EYA2: variants seen among roughly 807,000 people sequenced by gnomAD.
EYA2 encodes the protein protein phosphatase EYA2.
EYA2 carries 31 observed loss-of-function variants against 69.2 expected under a neutral mutation model. The observed-to-expected ratio is 0.45, with a 90% CI of 0.34 to 0.60. The LOEUF is 0.60. Among genes scored for constraint, EYA2 ranks in the 20% least tolerant of loss-of-function variants. The pLI is 0.02. For missense variants in EYA2, 622 were observed against 701.2 expected, an observed-to-expected ratio of 0.89 and a Z score of 1.28; for synonymous variants, 257 against 279.4, an observed-to-expected ratio of 0.92 and a Z score of 0.80.
chr20:47,013,042 A>T (rs1983173080), intron 4 of EYA2, among the ~76,000 whole-genome samples: 1 of 152,160 alleles, frequency 6.6e-6, no homozygotes, highest in Non-Finnish European at 1.5e-5. Flanking sequence ...TTATGATCCA[A>T]CCCCTTCAGC....
intron 9 of EYA2, among the ~76,000 whole-genome samples, chr20:47,102,346 T>C (rs966418032): frequency 6.6e-6 from 1 of 151,986 alleles, no homozygotes; most frequent in Non-Finnish European, 1.5e-5. Context: ...CTCAACCAAA[T>C]AGAGTGAGAG....
chr20:47,111,739 G>A (rs975764249), intron 9 of EYA2, among the ~76,000 whole-genome samples: 1 of 152,168 alleles, frequency 6.6e-6, no homozygotes, highest in Admixed American at 6.6e-5. Context: ...AAACAGAGCA[G>A]TAACCCCACC....
intron 9 of EYA2, among the ~76,000 whole-genome samples, chr20:47,134,291 G>A (rs1351364857): frequency 6.6e-6 from 1 of 152,182 alleles, no homozygotes; most frequent in Non-Finnish European, 1.5e-5. Flanking sequence ...GCCATGACAG[G>A]GGTGGTGGCC....
chr20:47,089,898 G>T (rs556383658), intron 8 of EYA2, among the ~76,000 whole-genome samples: 6 of 152,158 alleles, frequency 3.9e-5, no homozygotes, highest in Non-Finnish European at 5.9e-5. Context: ...AGACTCACTG[G>T]AGGAACTAGG....
At chr20:47,019,744 T>G (rs1983631037) in intron 5 of EYA2, among the ~76,000 whole-genome samples, 1 of 151,960 alleles carries the variant, frequency 6.6e-6, no homozygotes, top group African/African-American at 2.4e-5. Context: ...GGCAGGTATA[T>G]TTATTGCTTG....
At chr20:47,001,509 C>T (rs756176118) in intron 3 of EYA2, 36 bp downstream of exon 3, 4 of 1,608,012 alleles carry the variant, frequency 2.5e-6, no homozygotes, top group Non-Finnish European at 3.4e-6. Flanking sequence ...CTCACATGCC[C>T]ACCTTTTCTT....
chr20:47,093,337 G>T (rs947873851), intron 8 of EYA2, among the ~76,000 whole-genome samples: 4 of 152,232 alleles, frequency 2.6e-5, no homozygotes, highest in Non-Finnish European at 5.9e-5. Flanking sequence ...GCTGAAGTCC[G>T]AGGGGAGTGG....
At position 47,043,765 on chromosome 20, in the gene EYA2, A is replaced by G. The variant is rs139849076; in HGVS notation, c.415+27468A>G. On this transcript the variant is annotated intron_variant, in intron 5 of 15. Transcript: ENST00000327619. ...TTTCCTGACACATAATAAGTTCTCA[A>G]TCTTACCACACCATCATCATTATTG... is the stretch of plus-strand genomic sequence containing the variant. 2.0e-3 allele frequency among the ~76,000 whole-genome samples: 300 copies of G among 152,292 alleles called. 1 individual carries two copies. Among genetic ancestry groups the G allele is most frequent in the African/African-American group, 6.8e-3 (281 of 41,560 alleles).
At chr20:47,174,455 G>A (rs762463602) in intron 12 of EYA2, among the ~76,000 whole-genome samples, 5 of 152,196 alleles carry the variant, frequency 3.3e-5, no homozygotes, top group Non-Finnish European at 5.9e-5. Flanking sequence ...GATACACAGC[G>A]GGAACTCAAT....
At chr20:46,910,050 T>C (rs1984567778) in intron 1 of EYA2, among the ~76,000 whole-genome samples, 1 of 152,216 alleles carries the variant, frequency 6.6e-6, no homozygotes, top group South Asian at 2.1e-4. Context: ...AGTAAGGATG[T>C]TCATCTTAAG....
At chr20:46,988,381 C>T (rs1248424916) in intron 1 of EYA2, among the ~76,000 whole-genome samples, 1 of 152,066 alleles carries the variant, frequency 6.6e-6, no homozygotes, top group East Asian at 1.9e-4. Context: ...AAACTTTTGA[C>T]TTAGAGCAGT....
intron 5 of EYA2, among the ~76,000 whole-genome samples, chr20:47,053,805 G>T (rs912619538): frequency 6.6e-6 from 1 of 151,512 alleles, no homozygotes; most frequent in African/African-American, 2.4e-5. Context: ...GGGTGATATT[G>T]CCCCCTTGAG....
At chr20:47,155,985 C>T (rs1296670730) in intron 10 of EYA2, among the ~76,000 whole-genome samples, 1 of 147,816 alleles carries the variant, frequency 6.8e-6, no homozygotes, top group Non-Finnish European at 1.5e-5. Flanking sequence ...AAGACCAGCC[C>T]AGCCAATGTG....
At chr20:47,123,652 A>C (rs2033107225) in intron 9 of EYA2, among the ~76,000 whole-genome samples, 1 of 152,180 alleles carries the variant, frequency 6.6e-6, no homozygotes, top group Non-Finnish European at 1.5e-5. Flanking sequence ...TTAGAATTTC[A>C]TGCCAAACAG....
chr20:47,069,232 G>A (rs575690079), intron 5 of EYA2, among the ~76,000 whole-genome samples: 10 of 152,266 alleles, frequency 6.6e-5, no homozygotes, highest in Admixed American at 3.9e-4. Flanking sequence ...AGTGGCTCAC[G>A]TCTGTAATCC....
intron 9 of EYA2, among the ~76,000 whole-genome samples, chr20:47,136,685 T>C (rs1214918709): frequency 6.6e-6 from 1 of 151,538 alleles, no homozygotes; most frequent in East Asian, 1.9e-4. Context: ...CAAGGCTGCA[T>C]TGAGCTATGG....
At chr20:47,009,117 C>CTCTT (rs1982904235) in intron 4 of EYA2, among the ~76,000 whole-genome samples, 7 of 152,192 alleles carry the variant, frequency 4.6e-5, no homozygotes, top group Admixed American at 1.3e-4. Flanking sequence ...CTCACCAGGG[C>CTCTT]CCACCCCAAG....
At chr20:47,033,999 T>C (rs762996788) in intron 5 of EYA2, among the ~76,000 whole-genome samples, 3 of 152,226 alleles carry the variant, frequency 2.0e-5, no homozygotes, top group Non-Finnish European at 4.4e-5. Context: ...TTCCCCTTTC[T>C]GTCATCTTTC....
At chr20:47,014,461 G>A (rs972886655) in intron 4 of EYA2, among the ~76,000 whole-genome samples, 1 of 152,174 alleles carries the variant, frequency 6.6e-6, no homozygotes, top group Admixed American at 6.5e-5. Flanking sequence ...CAGTTGATGT[G>A]GTTGTGGAGA....
Sources: gnomAD v4.1 joint callset for allele counts (sites outside exome capture counted in the v4.1 genomes callset) on GRCh38, gnomAD v4.1.1 for gene constraint, MANE v1.5 for transcripts, NCBI Gene and HGNC (gene_info 2026-07-23, HGNC 2026-07-21) for gene names.